Variants in ARAP1 observed in about 807,000 individuals in gnomAD.
ARAP1 encodes ArfGAP with RhoGAP domain, ankyrin repeat and PH domain 1.
ARAP1 carries 76 observed loss-of-function variants against 172.2 expected under a neutral mutation model. The observed-to-expected ratio is 0.44, with a 90% confidence interval of 0.37 to 0.53. The LOEUF (loss-of-function observed/expected upper bound fraction) is 0.53, where lower values mean the gene tolerates loss of function less well. ARAP1 is among the 20% of genes least tolerant of loss of function. ARAP1 has a pLI of 0.00. For missense variants in ARAP1, 1,686 were observed against 1,977.5 expected (o/e 0.85, Z 2.80); for synonymous variants, 804 against 803.3 (o/e 1.00, Z -0.01).
chr11:72,694,953 A>G, intron 27 of ARAP1, 27 bp downstream of exon 27: 1 of 1,599,372 alleles, frequency 6.3e-7, no homozygotes, highest in African/African-American at 1.3e-5. Flanking sequence ...GCCATACCAC[A>G]CCCTGCACAA....
chr11:72,699,236 A>G lies in ARAP1; in HGVS notation c.2439-129T>C. 3.6e-6 allele frequency: 5 copies of G among 1,376,162 alleles called. No homozygotes were observed. The South Asian group carries it at 6.4e-5, about 18-fold the overall frequency. 85.2% of individuals were successfully genotyped at this position (1,376,162 alleles called of 1,614,324 possible). ...GCGCTTGTCCTTATTCTGGTCCCCTAAGAGGTGGTGGAAAAGTCTTGGGCT... is the reference window on the plus strand; with the variant it reads ...GCGCTTGTCCTTATTCTGGTCCCCTGAGAGGTGGTGGAAAAGTCTTGGGCT... On this transcript the variant is annotated intron_variant, in intron 17 of 34. Coordinates refer to ENST00000393609, the MANE Select transcript of ARAP1 (RefSeq NM_001040118.3). The surrounding 1 kb of genome is among the most constrained non-coding windows in gnomAD (Gnocchi z 4.2).
rs58196942 is a variant in ARAP1, at chr11:72,714,701, G to C, written c.510-380C>G. 6.9e-3 allele frequency among the ~76,000 whole-genome samples: 1,044 copies of C among 152,234 alleles called. 18 individuals are homozygous for C. Among genetic ancestry groups the C allele is most frequent in the African/African-American group, 0.024 (992 of 41,516 alleles). ...CTTTTAAGGATAAGAAGGCATTGACGGCAAAGAGAAGGGACAGGATTGAAA... is the reference window on the plus strand; with the variant it reads ...CTTTTAAGGATAAGAAGGCATTGACCGCAAAGAGAAGGGACAGGATTGAAA... On this transcript the variant is annotated intron_variant, in intron 3 of 34. Transcript: ENST00000393609.
chr11:72,711,989 C>T (rs568254621), intron 7 of ARAP1, among the ~76,000 whole-genome samples: 1 of 152,294 alleles, frequency 6.6e-6, no homozygotes, highest in South Asian at 2.1e-4. Flanking sequence ...AGCCACTATG[C>T]CCAGCGATCT....
At chr11:72,712,721 G>A (rs751512344) in intron 5 of ARAP1, 153 bp from the exon 6 acceptor site, 36 of 1,290,134 alleles carry the variant, frequency 2.8e-5, no homozygotes, top group African/African-American at 7.3e-5. Flanking sequence ...CCCTGCCAGC[G>A]GAGACCACAC....
chr11:72,686,274 A>T, intron 33 of ARAP1, 83 bp from the exon 34 acceptor site: 1 of 1,508,554 alleles, frequency 6.6e-7, no homozygotes, highest in South Asian at 1.3e-5. Context: ...CTTCCCAGAA[A>T]TGCCTCCAGC....
chr11:72,714,048 G>A, intron 4 of ARAP1, 104 bp downstream of exon 4: 1 of 1,263,230 alleles, frequency 7.9e-7, no homozygotes, highest in Non-Finnish European at 1.0e-6. Flanking sequence ...CTGGTGGCAG[G>A]CTTGCACAGA....
intron 30 of ARAP1, among the ~76,000 whole-genome samples, chr11:72,691,829 G>A (rs1050386966): frequency 6.6e-6 from 1 of 152,130 alleles, no homozygotes; most frequent in Non-Finnish European, 1.5e-5. Context: ...CAGTTCTGTG[G>A]ACAACAATTT....
chr11:72,751,132 T>C (rs1858519206), intron 1 of ARAP1, among the ~76,000 whole-genome samples: 1 of 152,212 alleles, frequency 6.6e-6, no homozygotes, highest in South Asian at 2.1e-4. Flanking sequence ...GTACTCTGCC[T>C]GGGACACCCC....
At chr11:72,722,126 T>C in intron 3 of ARAP1, 1 of 985,350 alleles carries the variant, frequency 1.0e-6, no homozygotes, top group Non-Finnish European at 1.2e-6. Flanking sequence ...TGTGTATAAC[T>C]GTGGATCTGT....
At position 72,712,276 on chromosome 11, in the gene ARAP1, G is replaced by T; in HGVS notation, c.942C>A (p.Pro314=). ...SLPSTIAAPH[P]MDGPPGGSTP... ...TGGAGCCCCCAGGCGGCCCGTCCAT[G>T]GGGTGTGGCGCAGCTATTGTGCTGG... is the stretch of plus-strand genomic sequence containing the variant. The change falls in exon 7 of 35, where the codon CCC becomes CCA. Residue 314 remains proline, a synonymous_variant. Transcript: ENST00000393609. 6.3e-7 allele frequency: 1 copy of T among 1,599,370 alleles called. No individual in the cohort carries two copies.
chr11:72,692,886 T>C (rs1856002273), intron 29 of ARAP1, 101 bp from the exon 30 acceptor site: 6 of 1,460,308 alleles, frequency 4.1e-6, no homozygotes, highest in Admixed American at 3.5e-5. Flanking sequence ...ATGGCATGTA[T>C]GTGCAGAAGG....
At chr11:72,686,930 T>C (rs1302772120) in intron 33 of ARAP1, among the ~76,000 whole-genome samples, 1 of 152,216 alleles carries the variant, frequency 6.6e-6, no homozygotes, top group Non-Finnish European at 1.5e-5. Flanking sequence ...TCTTCTGAGA[T>C]TCTGCTTCTC....
chr11:72,748,147 T>C (rs959733415), intron 1 of ARAP1, among the ~76,000 whole-genome samples: 1 of 152,192 alleles, frequency 6.6e-6, no homozygotes, highest in African/African-American at 2.4e-5. Flanking sequence ...ATTCAGTATA[T>C]AAAGTGCTTA....
Position 72,693,086 on chromosome 11 carries a change from G to A in ARAP1, c.3954+239C>T. On this transcript the variant is annotated intron_variant, in intron 29 of 34. Coordinates refer to ENST00000393609, the MANE Select transcript of ARAP1 (RefSeq NM_001040118.3). This position sits in a 1 kb window ranked among gnomAD's most constrained non-coding sequence, Gnocchi z 4.6. ...ACAGGCACAGTGAGACAGAGCATGG[G>A]CATGGAGTGGTGTGATGGCATCCGG... 1 of 654,776 alleles carries A rather than the reference G, an allele frequency of 1.5e-6. No homozygotes were observed. Among genetic ancestry groups the A allele is most frequent in the Non-Finnish European group, 2.6e-6 (1 of 382,970 alleles). 40.6% of individuals were successfully genotyped at this position (654,776 alleles called of 1,614,324 possible). A position where few individuals can be genotyped will look rare whatever the true frequency, so the allele number is the denominator to read the frequency against.
chr11:72,728,058 T>C (rs1857751360), intron 2 of ARAP1, among the ~76,000 whole-genome samples: 1 of 152,268 alleles, frequency 6.6e-6, no homozygotes, highest in Non-Finnish European at 1.5e-5. Flanking sequence ...AGAAATAAAT[T>C]GATACTTTCT....
intron 2 of ARAP1, among the ~76,000 whole-genome samples, chr11:72,731,169 G>C (rs1195006152): frequency 6.6e-6 from 1 of 152,212 alleles, no homozygotes; most frequent in African/African-American, 2.4e-5. Context: ...GGAGGGAACA[G>C]TGGAAGATGC....
intron 23 of ARAP1, 78 bp downstream of exon 23, chr11:72,696,471 G>A: frequency 8.4e-7 from 1 of 1,194,632 alleles, no homozygotes; most frequent in South Asian, 1.7e-5. Context: ...GCTCCCAGAG[G>A]AGGGTAGTCA....
chr11:72,729,868 TCACACCACTG>T (rs967894146), intron 2 of ARAP1, among the ~76,000 whole-genome samples: 9 of 147,336 alleles, frequency 6.1e-5, no homozygotes, highest in Non-Finnish European at 1.0e-4. Flanking sequence ...TGAGCTATGA[TCACACCACTG>T]CACACCACTG....
At chr11:72,719,225 A>T (rs1408962054) in intron 3 of ARAP1, among the ~76,000 whole-genome samples, 3 of 152,158 alleles carry the variant, frequency 2.0e-5, no homozygotes, top group Non-Finnish European at 4.4e-5. Flanking sequence ...TCTGAGAGGG[A>T]ACACATCACT....
Sources: gnomAD v4.1 joint callset for allele counts (sites outside exome capture counted in the v4.1 genomes callset) on GRCh38, gnomAD v4.1.1 for gene constraint, Gnocchi (gnomAD v3.1) non-coding constraint, MANE v1.5 for transcripts, NCBI Gene and HGNC (gene_info 2026-07-23, HGNC 2026-07-21) for gene names.